The following NIPBL variants were observed in gnomAD, a reference collection of about 807,000 sequenced individuals.
NIPBL encodes nipped-B-like protein.
A neutral mutation model predicts 321.8 loss-of-function variants in NIPBL; 19 were observed. That is an observed-to-expected ratio of 0.06 (90% CI 0.04 to 0.09). NIPBL has a LOEUF of 0.09. Among genes scored for constraint, NIPBL ranks in the 10% least tolerant of loss-of-function variants. NIPBL has a pLI of 1.00. For synonymous variants in NIPBL, 1,106 were observed against 1,114.1 expected (o/e 0.99, Z 0.14); for missense variants, 2,210 against 3,327.0 (o/e 0.66, Z 8.26).
At position 36,970,975 on chromosome 5, in the gene NIPBL, A is replaced by G. The variant is rs1742789125; in HGVS notation, c.710A>G (p.Asp237Gly). 2 of 1,613,660 alleles carry G rather than the reference A, an allele frequency of 1.2e-6. No homozygotes were observed. The highest frequency in any genetic ancestry group is 1.7e-6 in the Non-Finnish European group (2 of 1,179,694). The part of the protein sequence containing the change: ...LSGNSANHHA[D>G]NPRHGSSEDY... Reference sequence around the variant, plus strand: ...GGCAATTCAGCTAATCATCATGCTGATAATCCTAGACATGGTTCAAGTGAG... The same window carrying G: ...GGCAATTCAGCTAATCATCATGCTGGTAATCCTAGACATGGTTCAAGTGAG... Residue 237 changes from aspartate (D) to glycine (G), a missense_variant, in exon 7 of 47, where the codon GAT (aspartate) becomes GGT (glycine). By Grantham distance (94) the Asp-to-Gly change is moderately conservative. Around this residue, in one of 14 missense-constraint regions of NIPBL, gnomAD observed 464 missense variants for 529.5 expected, o/e 0.88. Transcript: ENST00000282516.
rs1054702380 is a variant in NIPBL, at chr5:36,995,480, A to G, written c.3122-142A>G. 9 of 620,864 alleles carry G rather than the reference A, an allele frequency of 1.4e-5. No individual in the cohort carries two copies. In the African/African-American group the frequency reaches 1.7e-4, roughly 11 times the overall value. 38.5% of individuals were successfully genotyped at this position (620,864 alleles called of 1,614,324 possible). A position where few individuals can be genotyped will look rare whatever the true frequency, so the allele number is the denominator to read the frequency against. ...TAACTATATTGTCACTTTAGGGTTA[A>G]GAGTATTATAGTTGTGTTTTATTAA... On this transcript the variant is annotated intron_variant, in intron 10 of 46. Coordinates refer to ENST00000282516, the MANE Select transcript of NIPBL (RefSeq NM_133433.4).
intron 23 of NIPBL, among the ~76,000 whole-genome samples, chr5:37,016,446 A>G (rs1040152295): frequency 1.3e-5 from 2 of 152,112 alleles, no homozygotes; most frequent in African/African-American, 4.8e-5. Context: ...AAGCATCTCA[A>G]CACTGAGTCA....
intron 1 of NIPBL, among the ~76,000 whole-genome samples, chr5:36,908,441 T>C (rs890954048): frequency 1.3e-5 from 2 of 152,296 alleles, no homozygotes; most frequent in African/African-American, 4.8e-5. Flanking sequence ...TAGAAACAAG[T>C]CTTGAGATTT....
chr5:36,927,015 G>T (rs1749415971), intron 1 of NIPBL, among the ~76,000 whole-genome samples: 1 of 152,204 alleles, frequency 6.6e-6, no homozygotes. Context: ...TTTGAAAGGA[G>T]AAGTTGGTTT....
At chr5:37,012,099 T>A (rs456008) in intron 21 of NIPBL, among the ~76,000 whole-genome samples, 2 of 151,656 alleles carry the variant, frequency 1.3e-5, no homozygotes, top group Non-Finnish European at 1.5e-5. Context: ...TGTATTTTTA[T>A]AACTGTGAAT....
At chr5:36,913,515 A>G (rs975770350) in intron 1 of NIPBL, among the ~76,000 whole-genome samples, 2 of 151,472 alleles carry the variant, frequency 1.3e-5, no homozygotes, top group East Asian at 1.9e-4. Flanking sequence ...TCAGCCTCCT[A>G]AATACTTGGG....
intron 8 of NIPBL, 83 bp downstream of exon 8, chr5:36,972,124 A>T (rs191736300): frequency 1.7e-4 from 150 of 899,158 alleles, no homozygotes; most frequent in Non-Finnish European, 2.5e-4. Flanking sequence ...AGCAGATATT[A>T]AAAAGTTATT....
At chr5:36,885,863 G>A in intron 1 of NIPBL, 1 of 721,284 alleles carries the variant, frequency 1.4e-6, no homozygotes. Flanking sequence ...CGAAGAGGAA[G>A]TAAAAGGCCT....
At position 36,912,791 on chromosome 5, in the gene NIPBL, C is replaced by T. The variant is rs532942922; in HGVS notation, c.-80+35613C>T. The stretch of plus-strand genomic sequence containing the variant: ...CTGGGATTACAGATGTGAGCCACCG[C>T]GCCCGGTGTGTTGTTGATTTTTAGA... On this transcript the variant is annotated intron_variant, in intron 1 of 46. Transcript: ENST00000282516. Among the ~76,000 whole-genome samples the T allele has an allele frequency of 4.6e-4, 70 of 152,148 alleles. 1 individual carries two copies. In the South Asian group the frequency reaches 0.014, roughly 30 times the overall value.
At chr5:36,956,487 C>T (rs898496535) in intron 3 of NIPBL, among the ~76,000 whole-genome samples, 1 of 151,760 alleles carries the variant, frequency 6.6e-6, no homozygotes, top group Non-Finnish European at 1.5e-5. Flanking sequence ...GCTGATGACT[C>T]TAAGGTGAGA....
intron 9 of NIPBL, among the ~76,000 whole-genome samples, chr5:36,977,842 G>T (rs1743671840): frequency 6.6e-6 from 1 of 151,750 alleles, no homozygotes; most frequent in Admixed American, 6.6e-5. Flanking sequence ...CCACTTATAA[G>T]TGAGAACCTG....
chr5:37,055,844 A>G (rs1472641216), intron 42 of NIPBL, among the ~76,000 whole-genome samples: 1 of 152,146 alleles, frequency 6.6e-6, no homozygotes, highest in Non-Finnish European at 1.5e-5. Flanking sequence ...TATCTCTACA[A>G]AAATTAAAAA....
At chr5:37,009,464 G>A (rs1747837550) in intron 20 of NIPBL, among the ~76,000 whole-genome samples, 2 of 152,082 alleles carry the variant, frequency 1.3e-5, no homozygotes, top group African/African-American at 4.8e-5. Flanking sequence ...TGCTTTGAAG[G>A]CTTCTTTCTT....
In NIPBL at chr5:36,990,809, T is replaced by G. The variant is rs903083582; in HGVS notation, c.3121+4508T>G. ...TAAAAACTAAAGTTTGCTGGAGGTA[T>G]TCTCTCTCCTTTCCATTCTGTCTCT... On this transcript the variant is annotated intron_variant, in intron 10 of 46. Coordinates refer to ENST00000282516, the MANE Select transcript of NIPBL (RefSeq NM_133433.4). Among the ~76,000 whole-genome samples the G allele has an allele frequency of 2.0e-5, 3 of 152,186 alleles. No individual in the cohort carries two copies. The South Asian group carries it at 6.2e-4, about 31-fold the overall frequency.
At chr5:36,895,505 G>C (rs1361738529) in intron 1 of NIPBL, among the ~76,000 whole-genome samples, 1 of 152,202 alleles carries the variant, frequency 6.6e-6, no homozygotes, top group African/African-American at 2.4e-5. Flanking sequence ...TTTAGGTCAT[G>C]TGGTAACTAT....
chr5:36,976,136 T>G lies in NIPBL; in HGVS notation c.1229T>G (p.Ile410Arg), dbSNP rs546539357. The G allele has an allele frequency of 6.2e-7, 1 of 1,613,774 alleles. No homozygotes were observed. Among genetic ancestry groups the G allele is most frequent in the African/African-American group, 1.3e-5 (1 of 75,022 alleles). The change falls in exon 9 of 47, where the codon ATA becomes AGA. Residue 410 changes from isoleucine (I) to arginine (R), a missense_variant. Physicochemically the swap from Ile to Arg is moderately conservative, Grantham distance 97 (BLOSUM62 -3). This residue lies in a region of NIPBL where 464 missense variants were observed against 529.5 expected (regional missense o/e 0.88). Coordinates refer to ENST00000282516, the MANE Select transcript of NIPBL (RefSeq NM_133433.4). ...TSKTPITPQDINRPLNAAQCL... is the reference protein window; with the variant it reads ...TSKTPITPQDRNRPLNAAQCL... Reference sequence around the variant, plus strand: ...AAAACACCCATTACTCCACAAGATATAAACCGCCCACTAAATGCTGCTCAA... The same window carrying G: ...AAAACACCCATTACTCCACAAGATAGAAACCGCCCACTAAATGCTGCTCAA...
At chr5:36,911,160 G>A (rs966477585) in intron 1 of NIPBL, among the ~76,000 whole-genome samples, 3 of 152,304 alleles carry the variant, frequency 2.0e-5, no homozygotes, top group South Asian at 2.1e-4. Context: ...CTCATATGGA[G>A]GATGTAGTAG....
At chr5:36,956,065 CAAAAAAA>C (rs542704963) in intron 3 of NIPBL, among the ~76,000 whole-genome samples, 1 of 105,024 alleles carries the variant, frequency 9.5e-6, no homozygotes, top group African/African-American at 3.2e-5. Context: ...ACTAAAAATA[CAAAAAAA>C]AAAAAAAAAT....
intron 1 of NIPBL, among the ~76,000 whole-genome samples, chr5:36,907,026 C>T (rs753342598): frequency 3.9e-5 from 6 of 152,100 alleles, no homozygotes; most frequent in East Asian, 1.9e-4. Flanking sequence ...ATGTGGATTC[C>T]GCTTCTCATC....
Sources: gnomAD v4.1 joint callset for allele counts (sites outside exome capture counted in the v4.1 genomes callset) on GRCh38, gnomAD v4.1.1 for gene constraint, gnomAD v4.1.1 regional missense constraint, MANE v1.5 for transcripts, NCBI Gene and HGNC (gene_info 2026-07-23, HGNC 2026-07-21) for gene names.